The following CHD6 variants were observed in gnomAD, a reference collection of about 807,000 sequenced individuals.
CHD6 encodes the protein ATP-dependent chromatin remodeler CHD6.
In CHD6, 50 loss-of-function variants were observed where a neutral mutation model predicts 276.9. That is an observed-to-expected ratio of 0.18 (90% CI 0.14 to 0.23). The LOEUF is 0.23. Among genes scored for constraint, CHD6 ranks in the 10% least tolerant of loss-of-function variants. CHD6 has a pLI of 1.00. For synonymous variants in CHD6, 1,173 were observed against 1,229.3 expected (o/e 0.95, Z 0.96); for missense variants, 2,564 against 3,365.8 (o/e 0.76, Z 5.89).
At chr20:41,466,719 G>T (rs904796392) in intron 17 of CHD6, among the ~76,000 whole-genome samples, 1 of 152,176 alleles carries the variant, frequency 6.6e-6, no homozygotes, top group Non-Finnish European at 1.5e-5. Context: ...CTGAGCAAAA[G>T]ATCTGATGGA....
chr20:41,606,063 A>G (rs1279284134), intron 1 of CHD6, among the ~76,000 whole-genome samples: 2 of 152,226 alleles, frequency 1.3e-5, no homozygotes, highest in Non-Finnish European at 2.9e-5. Flanking sequence ...ACCTTGTCCC[A>G]GCTGCTAATG....
chr20:41,533,533 G>A lies in CHD6; in HGVS notation c.71C>T (p.Ser24Phe). The A allele has an allele frequency of 3.1e-6, 5 of 1,612,138 alleles. No individual in the cohort carries two copies. Among genetic ancestry groups the A allele is most frequent in the Non-Finnish European group, 3.4e-6 (4 of 1,179,832 alleles). Residue 24 changes from serine to phenylalanine, a missense_variant, in exon 3 of 37, where the codon TCT becomes TTT. Transcript: ENST00000373233. ...NLKVLNHSPM[S>F]DASVNFDYKS... ...GTAGTCAAAATTGACAGAGGCATCA[G>A]ACATTGGGGAGTGATTCAAAACTTT...
Position 41,533,698 on chromosome 20 carries a change from T to G in CHD6, c.34-128A>C, listed in dbSNP as rs1304714269. On this transcript the variant is annotated intron_variant, in intron 2 of 36. Transcript: ENST00000373233. ...TGAGTTCCCACTCTCTGTTAGTTCC[T>G]ATTGTGCTAGGCCTTGGAGACAGAG... 3 of 850,742 alleles carry G rather than the reference T, an allele frequency of 3.5e-6. No individual in the cohort carries two copies. The African/African-American group carries it at 5.1e-5, about 15-fold the overall frequency. The allele number at this position is 850,742 out of a possible 1,614,324, so 52.7% of individuals were successfully genotyped here.
chr20:41,564,187 G>A (rs1277442279), intron 1 of CHD6: 1 of 675,614 alleles, frequency 1.5e-6, no homozygotes, highest in Admixed American at 2.5e-5. Flanking sequence ...ACATTGAAAT[G>A]AGAAGCCATC....
At chr20:41,542,389 T>C (rs1035682336) in intron 2 of CHD6, among the ~76,000 whole-genome samples, 8 of 152,178 alleles carry the variant, frequency 5.3e-5, no homozygotes, top group Non-Finnish European at 1.0e-4. Flanking sequence ...GACCCCGGCC[T>C]AGAGTTAGAA....
chr20:41,572,127 A>G (rs2045423763), intron 1 of CHD6, among the ~76,000 whole-genome samples: 1 of 152,212 alleles, frequency 6.6e-6, no homozygotes, highest in Non-Finnish European at 1.5e-5. Context: ...ACCCTTCAGT[A>G]CTAGCTCTGT....
intron 2 of CHD6, among the ~76,000 whole-genome samples, chr20:41,545,825 C>T (rs2045028713): frequency 6.6e-6 from 1 of 152,052 alleles, no homozygotes; most frequent in African/African-American, 2.4e-5. Flanking sequence ...ACTCTCTTCC[C>T]TCCTAAGCTT....
At chr20:41,523,976 G>A (rs1044701759) in intron 3 of CHD6, among the ~76,000 whole-genome samples, 1 of 152,020 alleles carries the variant, frequency 6.6e-6, no homozygotes, top group African/African-American at 2.4e-5. Context: ...AGAGCCTTAC[G>A]GAAAGAATGC....
chr20:41,567,785 G>T (rs2146201224), intron 1 of CHD6, among the ~76,000 whole-genome samples: 1 of 152,276 alleles, frequency 6.6e-6, no homozygotes, highest in African/African-American at 2.4e-5. Flanking sequence ...GCCCCATCCA[G>T]GCCACAGACA....
At chr20:41,588,307 G>A (rs143814262) in intron 1 of CHD6, among the ~76,000 whole-genome samples, 39 of 152,250 alleles carry the variant, frequency 2.6e-4, no homozygotes, top group African/African-American at 8.2e-4. Flanking sequence ...TCTGAGTTGC[G>A]CTGGCACTGC....
chr20:41,493,881 T>C lies in CHD6; in HGVS notation c.1156A>G (p.Thr386Ala). 2 of 1,613,830 alleles carry C rather than the reference T, an allele frequency of 1.2e-6. No individual in the cohort carries two copies. The change falls in exon 9 of 37, where the codon ACC becomes GCC. Residue 386 changes from threonine to alanine, a missense_variant. Thr to Ala is a moderately conservative substitution (Grantham distance 58). Coordinates refer to ENST00000373233, the MANE Select transcript of CHD6 (RefSeq NM_032221.5). ...ACCTCCCCTGTTTCTGCATCCTTGGTGTGGGCCACCTCCAAGATGCGATCA... is the reference window on the plus strand; with the variant it reads ...ACCTCCCCTGTTTCTGCATCCTTGGCGTGGGCCACCTCCAAGATGCGATCA... ...EVDRILEVAH[T>A]KDAETGEEVT...
At chr20:41,556,153 GAGGCAGGAGAATC>G (rs1248154226) in intron 1 of CHD6, among the ~76,000 whole-genome samples, 1 of 152,166 alleles carries the variant, frequency 6.6e-6, no homozygotes, top group African/African-American at 2.4e-5. Flanking sequence ...TCGGCAGGCT[GAGGCAGGAGAATC>G]AGGCAGGGAG....
In CHD6 at chr20:41,415,657, C is replaced by A. The variant is rs749292367; in HGVS notation, c.6487-19G>T. ...AGCTCTCCTGTGAACACACAAACAG[C>A]AAGAGAGGTCTGAATGTCACACAAG... On this transcript the variant is annotated intron_variant, in intron 33 of 36. Coordinates refer to ENST00000373233, the MANE Select transcript of CHD6 (RefSeq NM_032221.5). The A allele has an allele frequency of 1.3e-6, 2 of 1,535,592 alleles. No individual in the cohort carries two copies. The highest frequency in any genetic ancestry group is 2.7e-5 in the African/African-American group (2 of 72,748).
At chr20:41,519,234 G>C (rs934486663) in intron 3 of CHD6, among the ~76,000 whole-genome samples, 1 of 152,194 alleles carries the variant, frequency 6.6e-6, no homozygotes, top group Non-Finnish European at 1.5e-5. Context: ...AGTGAGCACA[G>C]ATCATGCCAC....
At chr20:41,432,634 G>C (rs748155136) in intron 27 of CHD6, among the ~76,000 whole-genome samples, 1 of 152,066 alleles carries the variant, frequency 6.6e-6, no homozygotes, top group Non-Finnish European at 1.5e-5. Flanking sequence ...TGCTGAAAGA[G>C]AACGTTTAAA....
In CHD6 at chr20:41,422,048, G is replaced by A. The variant is rs772154360; in HGVS notation, c.4587C>T (p.Pro1529=). ...GPPDTTIYVE[P]ITEERAARTL... is the part of the protein sequence containing the mutation. ...TTCTTGCAGCACGTTCCTCAGTGAT[G>A]GGTTCAACGTAGATGGTGGTATCTG... is the stretch of plus-strand genomic sequence containing the variant. The change falls in exon 31 of 37, where the codon CCC becomes CCT. Residue 1529 remains proline, a synonymous_variant. Transcript: ENST00000373233. The A allele has an allele frequency of 6.2e-7, 1 of 1,613,634 alleles. No individual in the cohort carries two copies.
chr20:41,617,148 A>G (rs1401636728), intron 1 of CHD6, among the ~76,000 whole-genome samples: 1 of 152,200 alleles, frequency 6.6e-6, no homozygotes, highest in East Asian at 1.9e-4. Context: ...GCCAGCAGAA[A>G]CGAGGAGTTT....
chr20:41,545,253 A>G (rs1467629724), intron 2 of CHD6, among the ~76,000 whole-genome samples: 1 of 152,214 alleles, frequency 6.6e-6, no homozygotes, highest in Non-Finnish European at 1.5e-5. Context: ...AGCTCACATG[A>G]AATAAATCAG....
At chr20:41,458,158 T>C (rs1019142519) in intron 17 of CHD6, among the ~76,000 whole-genome samples, 6 of 152,226 alleles carry the variant, frequency 3.9e-5, no homozygotes, top group African/African-American at 1.2e-4. Context: ...AAGAGGCAGA[T>C]GGTATCTGGT....
Sources: gnomAD v4.1 joint callset for allele counts (sites outside exome capture counted in the v4.1 genomes callset) on GRCh38, gnomAD v4.1.1 for gene constraint, MANE v1.5 for transcripts, NCBI Gene and HGNC (gene_info 2026-07-23, HGNC 2026-07-21) for gene names.